ZAN: variants seen among roughly 807,000 people sequenced by gnomAD.
ZAN encodes the protein zonadhesin, also known as zonadhesin (gene/pseudogene).
In ZAN, 260 loss-of-function variants were observed where a neutral mutation model predicts 286.2. The ratio of observed to expected loss-of-function variants is 0.91; its 90% CI spans 0.82 to 1.01. The LOEUF (loss-of-function observed/expected upper bound fraction) is 1.01, where lower values mean the gene tolerates loss of function less well. ZAN is among the 50% of genes least tolerant of loss of function. The pLI is 0.00. For missense variants in ZAN, 3,410 were observed against 3,639.2 expected (o/e 0.94, Z 1.62); for synonymous variants, 1,368 against 1,417.5 (o/e 0.97, Z 0.79).
intron 17 of ZAN, 85 bp from the exon 18 acceptor site, chr7:100,759,636 C>A: frequency 2.3e-6 from 3 of 1,312,906 alleles, no homozygotes; most frequent in East Asian, 3.0e-5. Context: ...CTCATCTCTC[C>A]CTGCGGCGCC....
chr7:100,792,296 G>T, intron 41 of ZAN, 109 bp from the exon 42 acceptor site: 1 of 1,515,592 alleles, frequency 6.6e-7, no homozygotes, highest in Non-Finnish European at 8.9e-7. Flanking sequence ...ACCCTCACTG[G>T]ACACCGACTG....
intron 39 of ZAN, among the ~76,000 whole-genome samples, 173 bp from the exon 40 acceptor site, chr7:100,790,769 G>C (rs1811885776): frequency 6.6e-6 from 1 of 150,378 alleles, no homozygotes; most frequent in Non-Finnish European, 1.5e-5. Context: ...TGTAGTTCCA[G>C]CTACTCGGGA....
At chr7:100,777,389 C>T (rs1221899862) in intron 34 of ZAN, among the ~76,000 whole-genome samples, 2 of 151,824 alleles carry the variant, frequency 1.3e-5, no homozygotes, top group African/African-American at 4.8e-5. Flanking sequence ...GAGTTTTGCT[C>T]TGTCACCCAG....
At chr7:100,772,097 CTTTTT>C in intron 29 of ZAN, 77 bp downstream of exon 29, 2 of 1,227,754 alleles carry the variant, frequency 1.6e-6, no homozygotes, top group Non-Finnish European at 1.1e-6. Context: ...CCTCTAAATT[CTTTTT>C]TTTTTTTTTG....
intron 19 of ZAN, among the ~76,000 whole-genome samples, chr7:100,760,894 T>G (rs978712267): frequency 1.3e-5 from 2 of 151,794 alleles, no homozygotes; most frequent in Non-Finnish European, 2.9e-5. Flanking sequence ...AAAGCAAGAT[T>G]CTTCTTCTTC....
chr7:100,759,564 G>C (rs1809391640), intron 17 of ZAN, among the ~76,000 whole-genome samples, 157 bp from the exon 18 acceptor site: 1 of 152,088 alleles, frequency 6.6e-6, no homozygotes, highest in Non-Finnish European at 1.5e-5. Context: ...AGGCAGTCGT[G>C]GTCTGCTCCT....
At chr7:100,793,726 C>T (rs1812148586) in intron 42 of ZAN, 94 bp from the exon 43 acceptor site, 1 of 1,373,952 alleles carries the variant, frequency 7.3e-7, no homozygotes, top group African/African-American at 1.5e-5. Flanking sequence ...GTGTGAGCCA[C>T]TGTGCCCAGC....
Position 100,763,769 on chromosome 7 carries a change from C to T in ZAN, c.3987-37C>T. The T allele has an allele frequency of 6.5e-7, 1 of 1,527,994 alleles. No individual in the cohort carries two copies. The highest frequency in any genetic ancestry group is 1.8e-5 in the African/African-American group (1 of 56,098). 94.7% of individuals were successfully genotyped at this position (1,527,994 alleles called of 1,614,324 possible). A position where few individuals can be genotyped will look rare whatever the true frequency, so the allele number is the denominator to read the frequency against. On this transcript the variant is annotated intron_variant, in intron 20 of 47. Coordinates refer to ENST00000613979, the MANE Select transcript of ZAN (RefSeq NM_003386.3). The surrounding 1 kb of genome is among the most constrained non-coding windows in gnomAD (Gnocchi z 4.6). The stretch of plus-strand genomic sequence containing the variant: ...GGGTTAGGGATGAGCTGGAAGCGAG[C>T]TTTGTCTTTAGGGAGTTTGGGGTGG...
At chr7:100,755,175 C>T in intron 14 of ZAN, 51 bp from the exon 15 acceptor site, 2 of 1,558,184 alleles carry the variant, frequency 1.3e-6, no homozygotes, top group Non-Finnish European at 8.7e-7. Flanking sequence ...CAGGGAGACT[C>T]CCTGAGAAAG....
intron 44 of ZAN, 29 bp from the exon 45 acceptor site, chr7:100,795,167 C>T (rs1321045196): frequency 3.6e-5 from 58 of 1,596,154 alleles, no homozygotes; most frequent in Non-Finnish European, 4.8e-5. Flanking sequence ...CCCAGGGCCC[C>T]CCTCCCACAA....
At chr7:100,743,177 C>T (rs78729635) in intron 7 of ZAN, among the ~76,000 whole-genome samples, 2,287 of 151,770 alleles carry the variant, frequency 0.015, 58 homozygotes, top group African/African-American at 0.051. Context: ...GTGTGCGTCA[C>T]CATGCCCAGT....
At chr7:100,754,873 C>T (rs1228867346) in intron 14 of ZAN, among the ~76,000 whole-genome samples, 13 of 152,078 alleles carry the variant, frequency 8.5e-5, no homozygotes, top group Non-Finnish European at 2.9e-5. Context: ...AACTCCTGGC[C>T]TCAAGTGATC....
In ZAN at chr7:100,758,502, G is replaced by C. The variant is rs374045451; in HGVS notation, c.3452-29G>C. 23 of 1,554,348 alleles carry C rather than the reference G, an allele frequency of 1.5e-5. No homozygotes were observed. In the African/African-American group the frequency reaches 2.9e-4, roughly 19 times the overall value. On this transcript the variant is annotated intron_variant, in intron 16 of 47. Transcript: ENST00000613979. ...CCAGCCTGGAGGAGCCACAGAAGCAGCTTCGCCTGTTCTCCTTCCCCCTCC... is the reference window on the plus strand; with the variant it reads ...CCAGCCTGGAGGAGCCACAGAAGCACCTTCGCCTGTTCTCCTTCCCCCTCC...
chr7:100,750,024 C>T (rs1808534793), intron 11 of ZAN, among the ~76,000 whole-genome samples: 1 of 143,262 alleles, frequency 7.0e-6, no homozygotes, highest in Non-Finnish European at 1.5e-5. Flanking sequence ...GCACTCCAGC[C>T]TGGGCAACAG....
intron 39 of ZAN, among the ~76,000 whole-genome samples, chr7:100,790,234 A>C (rs988839679): frequency 7.2e-5 from 11 of 152,238 alleles, no homozygotes; most frequent in Admixed American, 2.6e-4. Context: ...ACTGTACTCC[A>C]GACTGGGCAA....
rs774730226 is a variant in ZAN at position 100,737,334 on chromosome 7, G to T, written c.598G>T (p.Gly200Cys). 10 of 1,473,064 alleles carry T rather than the reference G, an allele frequency of 6.8e-6. 1 individual carries two copies. The South Asian group carries it at 1.2e-4, about 18-fold the overall frequency. 91.2% of individuals were successfully genotyped at this position (1,473,064 alleles called of 1,614,324 possible). The change falls in exon 6 of 48, where the codon GGC (glycine) becomes TGC (cysteine). Residue 200 changes from glycine to cysteine, a missense_variant. By Grantham distance (159) the Gly-to-Cys change is radical (BLOSUM62 -3). Transcript: ENST00000613979. ...IALDALSIRR[G>C]SCNRVCMMQT... The stretch of plus-strand genomic sequence containing the variant: ...CCTGGATGCCCTCTCTATCCGCCGG[G>T]GCTCCTGTAATCGCGGTGAGTCCCT...
chr7:100,755,582 T>C (rs1809091432), intron 15 of ZAN, among the ~76,000 whole-genome samples, 172 bp downstream of exon 15: 1 of 151,962 alleles, frequency 6.6e-6, no homozygotes, highest in Admixed American at 6.6e-5. Flanking sequence ...AATCTTTTCT[T>C]TTTTTTTGAG....
rs772724858 is a variant in ZAN, at chr7:100,753,097, A to G, written c.2992A>G (p.Thr998Ala). Residue 998 changes from threonine to alanine, a missense_variant, in exon 14 of 48, where the codon ACA (threonine) becomes GCA (alanine). By Grantham distance (58) the Thr-to-Ala change is moderately conservative (BLOSUM62 0). Around this residue, in one of 7 missense-constraint regions of ZAN, gnomAD observed 1,042 missense variants for 1,058.0 expected, o/e 0.98. Transcript: ENST00000613979. ...EKPTIPTEKL[T>A]ALRPPHPSPT... ...ACCCACCATTCCCACAGAGAAGCTC[A>G]CAGCCCTGAGGCCACCCCATCCCAG... The G allele has an allele frequency of 1.2e-6, 2 of 1,613,966 alleles. No homozygotes were observed. Among genetic ancestry groups the G allele is most frequent in the Non-Finnish European group, 8.5e-7 (1 of 1,179,890 alleles).
intron 45 of ZAN, among the ~76,000 whole-genome samples, chr7:100,797,012 C>T (rs1220068199): frequency 6.6e-6 from 1 of 151,982 alleles, no homozygotes; most frequent in Non-Finnish European, 1.5e-5. Context: ...TGGCATGTGC[C>T]CATAGTCCCA....
Sources: gnomAD v4.1 joint callset for allele counts (sites outside exome capture counted in the v4.1 genomes callset) on GRCh38, gnomAD v4.1.1 for gene constraint, gnomAD v4.1.1 regional missense constraint, Gnocchi (gnomAD v3.1) non-coding constraint, MANE v1.5 for transcripts, NCBI Gene and HGNC (gene_info 2026-07-23, HGNC 2026-07-21) for gene names.